TRDN: variants seen among roughly 807,000 people sequenced by gnomAD.
TRDN encodes the protein triadin in skeletal muscle.
Under a neutral mutation model 149.7 loss-of-function variants are expected in TRDN, and 161 were observed. That is an observed-to-expected ratio of 1.08 (90% confidence interval 0.95 to 1.23). The LOEUF (loss-of-function observed/expected upper bound fraction) is 1.23, where lower values mean the gene tolerates loss of function less well. Among genes scored for constraint, TRDN ranks in the 50% most tolerant of loss-of-function variants. The probability of loss-of-function intolerance (pLI) is 0.00; values close to 1 mark genes in which losing one functional copy is unlikely to be tolerated. For synonymous variants in TRDN, 294 were observed against 250.5 expected (o/e 1.17, Z -1.64); for missense variants, 896 against 823.5 (o/e 1.09, Z -1.08).
chr6:123,339,400 C>T (rs1221732625), intron 21 of TRDN, among the ~76,000 whole-genome samples: 1 of 152,056 alleles, frequency 6.6e-6, no homozygotes, highest in Non-Finnish European at 1.5e-5. Context: ...TTTCCCTCAC[C>T]TGAGATACAA....
intron 12 of TRDN, among the ~76,000 whole-genome samples, chr6:123,417,393 G>A (rs1055981924): frequency 3.9e-5 from 6 of 152,070 alleles, no homozygotes; most frequent in East Asian, 1.9e-4. Context: ...ATGGCTTTCC[G>A]TGTTCAGTTC....
At chr6:123,437,085 C>CTCCCTTTTCTT (rs1158571315) in intron 12 of TRDN, among the ~76,000 whole-genome samples, 22 of 152,206 alleles carry the variant, frequency 1.4e-4, no homozygotes, top group African/African-American at 5.3e-4. Flanking sequence ...AGAATAGAAA[C>CTCCCTTTTCTT]AGAACAAAAT....
At chr6:123,223,995 C>G in intron 39 of TRDN, 98 bp downstream of exon 39, 1 of 1,097,700 alleles carries the variant, frequency 9.1e-7, no homozygotes, top group Non-Finnish European at 1.3e-6. Flanking sequence ...AAGCTTAAGA[C>G]TAGATCAAGA....
intron 4 of TRDN, among the ~76,000 whole-genome samples, chr6:123,536,177 ATTAT>A (rs1167364311): frequency 6.6e-6 from 1 of 152,160 alleles, no homozygotes; most frequent in African/African-American, 2.4e-5. Context: ...ATCTATTATT[ATTAT>A]TTGTCTCTCT....
intron 9 of TRDN, among the ~76,000 whole-genome samples, chr6:123,476,857 A>G (rs945089981): frequency 8.6e-5 from 13 of 151,942 alleles, no homozygotes; most frequent in African/African-American, 3.1e-4. Context: ...GGCTAGCCAT[A>G]TGTAGAAAGC....
At chr6:123,359,155 CAG>C (rs776123701) in intron 20 of TRDN, among the ~76,000 whole-genome samples, 3 of 152,082 alleles carry the variant, frequency 2.0e-5, no homozygotes, top group Non-Finnish European at 2.9e-5. Context: ...AAAGTGGAAA[CAG>C]AGGTTTCTCG....
At position 123,281,267 on chromosome 6, in the gene TRDN, GAACCTTTTGTTAATGTAAAT is replaced by G. The variant is rs1201158299; in HGVS notation, c.1511-2205_1511-2186del. Among the ~76,000 whole-genome samples, 11 of 152,142 alleles carry G rather than the reference GAACCTTTTGTTAATGTAAAT, an allele frequency of 7.2e-5. 1 individual carries two copies. Among genetic ancestry groups the G allele is most frequent in the Admixed American group, 3.9e-4 (6 of 15,246 alleles). ...CTGGGTTCTCAGAACAAAAGGCTGA[GAACCTTTTGTTAATGTAAAT>G]AACCTTTTGTTAATGTAAATAACAG... On this transcript the variant is annotated intron_variant, in intron 24 of 40. Transcript: ENST00000334268.
chr6:123,503,847 A>C lies in TRDN; in HGVS notation c.665T>G (p.Val222Gly), dbSNP rs758037868. 14 of 1,596,698 alleles carry C rather than the reference A, an allele frequency of 8.8e-6. No individual in the cohort carries two copies. Among genetic ancestry groups the C allele is most frequent in the Non-Finnish European group, 1.2e-5 (14 of 1,170,546 alleles). Residue 222 changes from valine (V) to glycine (G), a missense_variant, in exon 8 of 41, where the codon GTG becomes GGG. Transcript: ENST00000334268. ...EKSEEKTKKE[V>G]KGGKQEKVKQ... is the part of the protein sequence containing the mutation. ...CACTTTCTCCTGTTTTCCACCTTTC[A>C]CTTCCTTTTTAGTCTTTTCTTCACT...
rs558343405 is a variant in TRDN, at chr6:123,522,107, G to T, written c.485-5901C>A. Among the ~76,000 whole-genome samples, 293 of 152,162 alleles carry T rather than the reference G, an allele frequency of 1.9e-3. 2 individuals are homozygous for T. Among genetic ancestry groups the T allele is most frequent in the Non-Finnish European group, 3.4e-3 (233 of 67,996 alleles). On this transcript the variant is annotated intron_variant, in intron 5 of 40. Transcript: ENST00000334268. ...CCCACTCTGAAGCTGACCATATGCT[G>T]TCTCTCCAGTATACATTTCTGTTAA... is the stretch of plus-strand genomic sequence containing the variant.
chr6:123,636,671 A>G, intron 1 of TRDN, 83 bp downstream of exon 1: 1 of 1,515,414 alleles, frequency 6.6e-7, no homozygotes, highest in Non-Finnish European at 9.1e-7. Flanking sequence ...AACATTTTAA[A>G]TGGACACATC....
At chr6:123,367,835 T>A (rs924716239) in intron 19 of TRDN, among the ~76,000 whole-genome samples, 1 of 152,138 alleles carries the variant, frequency 6.6e-6, no homozygotes, top group Non-Finnish European at 1.5e-5. Flanking sequence ...ATAACCAAAT[T>A]TCCCCTATGA....
intron 12 of TRDN, among the ~76,000 whole-genome samples, chr6:123,433,776 G>A (rs1774438970): frequency 1.3e-5 from 2 of 152,032 alleles, no homozygotes; most frequent in African/African-American, 4.8e-5. Context: ...ACTCCTAAAA[G>A]TTTACAATTG....
intron 2 of TRDN, among the ~76,000 whole-genome samples, chr6:123,563,930 C>G (rs1782133763): frequency 6.6e-6 from 1 of 152,106 alleles, no homozygotes; most frequent in South Asian, 2.1e-4. Flanking sequence ...ACCTCAGGCT[C>G]TTGCCTTTAT....
intron 21 of TRDN, among the ~76,000 whole-genome samples, chr6:123,340,666 T>A (rs1358188028): frequency 1.3e-5 from 2 of 152,020 alleles, no homozygotes; most frequent in Non-Finnish European, 2.9e-5. Context: ...ATAAGATGCT[T>A]GCTGATCTGA....
intron 6 of TRDN, among the ~76,000 whole-genome samples, chr6:123,514,617 G>A (rs1321289944): frequency 7.7e-6 from 1 of 130,692 alleles, no homozygotes; most frequent in African/African-American, 3.0e-5. Context: ...TAGATGAAGG[G>A]TATACATACC....
intron 1 of TRDN, among the ~76,000 whole-genome samples, chr6:123,572,287 T>C (rs1782619994): frequency 6.6e-6 from 1 of 152,148 alleles, no homozygotes; most frequent in Admixed American, 6.5e-5. Flanking sequence ...ATTGCATACA[T>C]ACACACATAT....
chr6:123,220,749 CAA>C (rs1333967673), intron 40 of TRDN, among the ~76,000 whole-genome samples: 13 of 151,736 alleles, frequency 8.6e-5, no homozygotes. Context: ...ACTGGAGAAT[CAA>C]GAGACGTCAT....
intron 9 of TRDN, among the ~76,000 whole-genome samples, chr6:123,487,108 A>G (rs1778008159): frequency 1.3e-5 from 2 of 152,158 alleles, no homozygotes; most frequent in Admixed American, 6.6e-5. Context: ...ATAAGAGCCA[A>G]CACTCAGAGA....
intron 20 of TRDN, among the ~76,000 whole-genome samples, chr6:123,364,203 GT>G (rs1366648784): frequency 6.6e-6 from 1 of 152,140 alleles, no homozygotes; most frequent in Non-Finnish European, 1.5e-5. Context: ...TTTGGCCAAG[GT>G]TTTCTTCTAA....
Sources: gnomAD v4.1 joint callset for allele counts (sites outside exome capture counted in the v4.1 genomes callset) on GRCh38, gnomAD v4.1.1 for gene constraint, MANE v1.5 for transcripts, NCBI Gene and HGNC (gene_info 2026-07-23, HGNC 2026-07-21) for gene names.